EFEMP1: variants seen among roughly 807,000 people sequenced by gnomAD.
The protein encoded by EFEMP1 is EGF-containing fibulin-like extracellular matrix protein 1.
A neutral mutation model predicts 65.7 loss-of-function variants in EFEMP1; 18 were observed. That is an observed-to-expected ratio of 0.27 (90% CI 0.19 to 0.41). EFEMP1 has a LOEUF of 0.41. Among genes scored for constraint, EFEMP1 ranks in the 10% least tolerant of loss-of-function variants. The pLI, the probability that EFEMP1 is intolerant of heterozygous loss-of-function variation, is 1.00. For missense variants in EFEMP1, 469 were observed against 624.8 expected, an observed-to-expected ratio of 0.75 and a Z score of 2.66; for synonymous variants, 237 against 219.7, an observed-to-expected ratio of 1.08 and a Z score of -0.70.
intron 6 of EFEMP1, 29 bp downstream of exon 6, chr2:55,881,583 G>C: frequency 6.2e-7 from 1 of 1,612,568 alleles, no homozygotes. Flanking sequence ...CTCAAGACAG[G>C]ACCGTGCTCA....
intron 5 of EFEMP1, among the ~76,000 whole-genome samples, chr2:55,897,925 A>G (rs1191356152): frequency 6.6e-6 from 1 of 152,214 alleles, no homozygotes; most frequent in Non-Finnish European, 1.5e-5. Context: ...ATAATTTCCA[A>G]TATTGCAAAA....
chr2:55,895,069 G>C (rs1433739179), intron 5 of EFEMP1, among the ~76,000 whole-genome samples: 1 of 152,224 alleles, frequency 6.6e-6, no homozygotes, highest in African/African-American at 2.4e-5. Flanking sequence ...CCTGGACACT[G>C]CTTCTTGGGC....
At position 55,881,461 on chromosome 2, in the gene EFEMP1, T is replaced by C. The variant is rs566204531; in HGVS notation, c.640+151A>G. On this transcript the variant is annotated intron_variant, in intron 6 of 11. Coordinates refer to ENST00000355426, the MANE Select transcript of EFEMP1 (RefSeq NM_001039348.3). ...CAACCTTTAAGGTTGTTTCTTGTTATTGTGGAAAATGGATTGGTAGTCTAT... is the reference window on the plus strand; with the variant it reads ...CAACCTTTAAGGTTGTTTCTTGTTACTGTGGAAAATGGATTGGTAGTCTAT... The C allele has an allele frequency of 1.0e-5, 10 of 1,000,652 alleles. No individual in the cohort carries two copies. In the South Asian group the frequency reaches 1.3e-4, roughly 13 times the overall value. The allele number at this position is 1,000,652 out of a possible 1,614,324, so 62.0% of individuals were successfully genotyped here.
At position 55,871,249 on chromosome 2, in the gene EFEMP1, G is replaced by A. The variant is rs561554487; in HGVS notation, c.1001-126C>T. 1.0e-5 allele frequency: 13 copies of A among 1,295,336 alleles called. No individual in the cohort carries two copies. In the African/African-American group the frequency reaches 1.9e-4, roughly 19 times the overall value. 80.2% of individuals were successfully genotyped at this position (1,295,336 alleles called of 1,614,324 possible). A position where few individuals can be genotyped will look rare whatever the true frequency, so the allele number is the denominator to read the frequency against. Reference sequence around the variant, plus strand: ...AGAGCATCTGGACTGTGTTCAACCTGCTTTTAGACACAAGACTGGGTGTTC... The same window carrying A: ...AGAGCATCTGGACTGTGTTCAACCTACTTTTAGACACAAGACTGGGTGTTC... On this transcript the variant is annotated intron_variant, in intron 9 of 11. Transcript: ENST00000355426. This position sits in a 1 kb window ranked among gnomAD's most constrained non-coding sequence, Gnocchi z 4.2.
In EFEMP1 at chr2:55,871,019, A is replaced by T; in HGVS notation, c.1105T>A (p.Tyr369Asn). ...TCTTACTTCTCTGGTGTTAGAATGT[A>T]GGGATCTTGACAAGGATTTCGTGGA... ...CYPRNPCQDPYILTPENRCVC... is the reference protein window; with the variant it reads ...CYPRNPCQDPNILTPENRCVC... Residue 369 changes from tyrosine (Y) to asparagine (N), a missense_variant, in exon 10 of 12, where the codon TAC becomes AAC. Coordinates refer to ENST00000355426, the MANE Select transcript of EFEMP1 (RefSeq NM_001039348.3). The surrounding 1 kb of genome is among the most constrained non-coding windows in gnomAD (Gnocchi z 4.2). 2 of 1,613,760 alleles carry T rather than the reference A, an allele frequency of 1.2e-6. No homozygotes were observed. Among genetic ancestry groups the T allele is most frequent in the Non-Finnish European group, 1.7e-6 (2 of 1,179,808 alleles).
At chr2:55,896,751 GCA>G (rs1413335637) in intron 5 of EFEMP1, among the ~76,000 whole-genome samples, 8 of 152,310 alleles carry the variant, frequency 5.3e-5, no homozygotes, top group African/African-American at 1.9e-4. Context: ...AGCAAAGAGG[GCA>G]CATTTCATGT....
In EFEMP1 at chr2:55,881,684, A is replaced by G. The variant is rs1355066608; in HGVS notation, c.568T>C (p.Cys190Arg). The change falls in exon 6 of 12, where the codon TGC (cysteine) becomes CGC (arginine). Residue 190 changes from cysteine to arginine, a missense_variant. This residue lies in a region of EFEMP1 where 399 missense variants were observed against 528.2 expected (regional missense o/e 0.76). Transcript: ENST00000355426. ...GCAAAGGATCCCCGTAAATTGATGC[A>G]CACTTGGTCTGCTCTACAGTTGTGC... ...GTHNCRADQV[C>R]INLRGSFACQ... 6 of 1,613,950 alleles carry G rather than the reference A, an allele frequency of 3.7e-6. No homozygotes were observed. Among genetic ancestry groups the G allele is most frequent in the Non-Finnish European group, 5.1e-6 (6 of 1,179,900 alleles).
intron 6 of EFEMP1, among the ~76,000 whole-genome samples, chr2:55,879,882 C>CA (rs962372880): frequency 6.6e-6 from 1 of 152,056 alleles, no homozygotes; most frequent in Non-Finnish European, 1.5e-5. Context: ...TGGAAATTTA[C>CA]AAAAAAGTAT....
rs58841515 is a variant in EFEMP1 at position 55,873,066 on chromosome 2, C to CCACACACACACACACA, written c.1000+1864_1000+1879dup. On this transcript the variant is annotated intron_variant, in intron 9 of 11. Coordinates refer to ENST00000355426, the MANE Select transcript of EFEMP1 (RefSeq NM_001039348.3). This position sits in a 1 kb window ranked among gnomAD's most constrained non-coding sequence, Gnocchi z 4.6. ...TTCTTTTGTCTCTCTGTCTCTCTCT[C>CCACACACACACACACA]CACACACACACACACACACACACAC... Among the ~76,000 whole-genome samples the CCACACACACACACACA allele has an allele frequency of 9.9e-3, 1,433 of 145,360 alleles. 20 individuals carry two copies. Among genetic ancestry groups the CCACACACACACACACA allele is most frequent in the African/African-American group, 0.026 (1,010 of 39,364 alleles).
In EFEMP1 at chr2:55,877,047, A is replaced by G. The variant is rs1669064462; in HGVS notation, c.761-305T>C. ...CTTTCCAAAGGAATTTAATGCTTCT[A>G]ATAAATATACACTCCGGTATCGATT... On this transcript the variant is annotated intron_variant, in intron 7 of 11. Transcript: ENST00000355426. The surrounding 1 kb of genome is among the most constrained non-coding windows in gnomAD (Gnocchi z 4.5). Among the ~76,000 whole-genome samples, 1 of 152,192 alleles carries G rather than the reference A, an allele frequency of 6.6e-6. No individual in the cohort carries two copies. The highest frequency in any genetic ancestry group is 6.6e-5 in the Admixed American group (1 of 15,264).
chr2:55,881,658 T>A lies in EFEMP1; in HGVS notation c.594A>T (p.Ala198=), dbSNP rs752936749. The change falls in exon 6 of 12, where the codon GCA becomes GCT. Residue 198 remains alanine (A), a synonymous_variant. Coordinates refer to ENST00000355426, the MANE Select transcript of EFEMP1 (RefSeq NM_001039348.3). ...TCTGATATCCAGGAGGGCACTGACA[T>A]GCAAAGGATCCCCGTAAATTGATGC... ...QVCINLRGSF[A]CQCPPGYQKR... is the part of the protein sequence containing the mutation. The A allele has an allele frequency of 3.1e-6, 5 of 1,613,950 alleles. No homozygotes were observed. The highest frequency in any genetic ancestry group is 8.5e-7 in the Non-Finnish European group (1 of 1,179,920).
intron 5 of EFEMP1, among the ~76,000 whole-genome samples, chr2:55,912,169 C>A (rs1428823203): frequency 1.3e-5 from 2 of 152,022 alleles, no homozygotes; most frequent in African/African-American, 4.8e-5. Flanking sequence ...AGGTTAACAT[C>A]ATAATTTACT....
chr2:55,905,240 A>G (rs903891998), intron 5 of EFEMP1, among the ~76,000 whole-genome samples: 1 of 152,114 alleles, frequency 6.6e-6, no homozygotes, highest in Non-Finnish European at 1.5e-5. Context: ...AAAATGAAAA[A>G]TACCATTCAC....
chr2:55,908,939 C>T (rs555395721), intron 5 of EFEMP1, among the ~76,000 whole-genome samples: 67 of 152,246 alleles, frequency 4.4e-4, no homozygotes, highest in African/African-American at 1.6e-3. Flanking sequence ...CTAGGAATAA[C>T]ACCAACCTGT....
Position 55,867,016 on chromosome 2 carries a change from T to C in EFEMP1, c.*57A>G. 1 of 1,603,974 alleles carries C rather than the reference T, an allele frequency of 6.2e-7. No homozygotes were observed. Among genetic ancestry groups the C allele is most frequent in the East Asian group, 2.2e-5 (1 of 44,802 alleles). ...TATATCTATAAATAAAATAGTGCTT[T>C]AAGGTAACAATATTCTTTGGCTGAC... is the stretch of plus-strand genomic sequence containing the variant. On this transcript the variant is annotated 3_prime_UTR_variant, in exon 12 of 12. Transcript: ENST00000355426. The surrounding 1 kb of genome is among the most constrained non-coding windows in gnomAD (Gnocchi z 4.3).
At chr2:55,879,477 C>A (rs1386704163) in intron 6 of EFEMP1, among the ~76,000 whole-genome samples, 1 of 152,142 alleles carries the variant, frequency 6.6e-6, no homozygotes, top group African/African-American at 2.4e-5. Flanking sequence ...ACACAGTAAG[C>A]CCTCAATAAC....
Position 55,886,354 on chromosome 2 carries a change from T to G in EFEMP1, c.518-4620A>C, listed in dbSNP as rs552934345. On this transcript the variant is annotated intron_variant, in intron 5 of 11. Transcript: ENST00000355426. The surrounding 1 kb of genome is among the most constrained non-coding windows in gnomAD (Gnocchi z 4.0). ...TGGAGTAAAATAACCGTATCTTTAC[T>G]AGTTCTGTGTGGGGCACTGTGCATG... 3.3e-5 allele frequency among the ~76,000 whole-genome samples: 5 copies of G among 152,340 alleles called. No homozygotes were observed. In the South Asian group the frequency reaches 1.0e-3, roughly 32 times the overall value.
At chr2:55,878,893 A>G (rs774827981) in intron 6 of EFEMP1, among the ~76,000 whole-genome samples, 17 of 152,350 alleles carry the variant, frequency 1.1e-4, no homozygotes, top group South Asian at 8.3e-4. Context: ...GCAAGTAAAC[A>G]TAAATGGGAG....
intron 5 of EFEMP1, among the ~76,000 whole-genome samples, chr2:55,893,569 C>T (rs777132386): frequency 1.2e-4 from 18 of 152,066 alleles, no homozygotes; most frequent in Non-Finnish European, 2.1e-4. Flanking sequence ...TCTATGAAGT[C>T]GGGGAATGTT....
Sources: gnomAD v4.1 joint callset for allele counts (sites outside exome capture counted in the v4.1 genomes callset) on GRCh38, gnomAD v4.1.1 for gene constraint, gnomAD v4.1.1 regional missense constraint, Gnocchi (gnomAD v3.1) non-coding constraint, MANE v1.5 for transcripts, NCBI Gene and HGNC (gene_info 2026-07-23, HGNC 2026-07-21) for gene names.